Variants in VWC2L observed in about 807,000 individuals in gnomAD.
VWC2L encodes von Willebrand factor C domain containing 2 like.
In VWC2L, 10 loss-of-function variants were observed where a neutral mutation model predicts 21.6. That is an observed-to-expected ratio of 0.46 (90% CI 0.29 to 0.78). The LOEUF (loss-of-function observed/expected upper bound fraction) is 0.78, where lower values mean the gene tolerates loss of function less well. Among genes scored for constraint, VWC2L ranks in the 30% least tolerant of loss-of-function variants. The probability of loss-of-function intolerance (pLI) is 0.10; values close to 1 mark genes in which losing one functional copy is unlikely to be tolerated. For synonymous variants in VWC2L, 96 were observed against 94.3 expected (o/e 1.02, Z -0.10); for missense variants, 209 against 277.1 (o/e 0.75, Z 1.74).
intron 3 of VWC2L, among the ~76,000 whole-genome samples, chr2:214,503,237 G>C (rs1688920010): frequency 6.6e-6 from 1 of 152,044 alleles, no homozygotes; most frequent in South Asian, 2.1e-4. Flanking sequence ...AAGATTACCA[G>C]TTTTCTAAGT....
chr2:214,464,559 C>G (rs1703188988), intron 3 of VWC2L, among the ~76,000 whole-genome samples: 1 of 152,186 alleles, frequency 6.6e-6, no homozygotes, highest in Non-Finnish European at 1.5e-5. Flanking sequence ...CTGTGGCCAC[C>G]ACCACATAGA....
At chr2:214,477,352 C>A (rs1384183766) in intron 3 of VWC2L, among the ~76,000 whole-genome samples, 1 of 152,206 alleles carries the variant, frequency 6.6e-6, no homozygotes, top group Non-Finnish European at 1.5e-5. Flanking sequence ...ACATTGCAGG[C>A]AAACCTTGAG....
rs192660227 is a variant in VWC2L at position 214,436,795 on chromosome 2, C to T, written c.520+37C>T. Reference sequence around the variant, plus strand: ...CTGCATTAGCTTTTGAAGAGGGGTTCGCACAAAATACAAATATTTCACTAC... The same window carrying T: ...CTGCATTAGCTTTTGAAGAGGGGTTTGCACAAAATACAAATATTTCACTAC... On this transcript the variant is annotated intron_variant, in intron 3 of 3. Coordinates refer to ENST00000312504, the MANE Select transcript of VWC2L (RefSeq NM_001080500.4). 2.4e-5 allele frequency: 38 copies of T among 1,609,584 alleles called. No homozygotes were observed. The East Asian group carries it at 6.7e-4, about 28-fold the overall frequency.
intron 3 of VWC2L, among the ~76,000 whole-genome samples, chr2:214,544,956 G>T (rs61453548): frequency 0.018 from 2,750 of 152,166 alleles, 88 homozygotes; most frequent in African/African-American, 0.061. Flanking sequence ...AATTTACTCT[G>T]CTATGTTGTT....
At chr2:214,540,736 G>A (rs543796637) in intron 3 of VWC2L, among the ~76,000 whole-genome samples, 1 of 152,224 alleles carries the variant, frequency 6.6e-6, no homozygotes, top group African/African-American at 2.4e-5. Context: ...AATAGCAGAC[G>A]GCTTTTCTAT....
At chr2:214,463,919 A>G (rs1199879571) in intron 3 of VWC2L, among the ~76,000 whole-genome samples, 1 of 152,032 alleles carries the variant, frequency 6.6e-6, no homozygotes, top group Non-Finnish European at 1.5e-5. Context: ...TGCTTGATAA[A>G]TTCTGCTGCT....
At position 214,436,489 on chromosome 2, in the gene VWC2L, G is replaced by A. The variant is rs1448406948; in HGVS notation, c.391-140G>A. The A allele has an allele frequency of 1.6e-5, 18 of 1,121,576 alleles. No homozygotes were observed. The Admixed American group carries it at 4.8e-4, about 30-fold the overall frequency. The allele number at this position is 1,121,576 out of a possible 1,614,324, so 69.5% of individuals were successfully genotyped here. On this transcript the variant is annotated intron_variant, in intron 2 of 3. Transcript: ENST00000312504. ...GTCTAACTTGCCTTCCACCAAGGGA[G>A]AATGATCGTAGACATGGTAAATGGA...
At chr2:214,476,984 C>G (rs921528270) in intron 3 of VWC2L, among the ~76,000 whole-genome samples, 1 of 152,136 alleles carries the variant, frequency 6.6e-6, no homozygotes, top group African/African-American at 2.4e-5. Context: ...GAACCCTACA[C>G]TCAGGAAACT....
chr2:214,491,685 A>C (rs1475392063), intron 3 of VWC2L, among the ~76,000 whole-genome samples: 2 of 152,206 alleles, frequency 1.3e-5, no homozygotes, highest in Non-Finnish European at 2.9e-5. Flanking sequence ...AAACAGCATT[A>C]CATAGAAGAA....
intron 3 of VWC2L, among the ~76,000 whole-genome samples, chr2:214,552,556 C>A (rs1413999595): frequency 6.6e-6 from 1 of 152,128 alleles, no homozygotes; most frequent in African/African-American, 2.4e-5. Flanking sequence ...CTTATTAAAA[C>A]CTTACAAGCT....
At chr2:214,448,230 T>G (rs1481645815) in intron 3 of VWC2L, among the ~76,000 whole-genome samples, 1 of 152,238 alleles carries the variant, frequency 6.6e-6, no homozygotes, top group Admixed American at 6.5e-5. Context: ...ATTCTTACTA[T>G]GTACAACACA....
rs1230129668 is a variant in VWC2L, at chr2:214,543,366, C to T, written c.521-32306C>T. On this transcript the variant is annotated intron_variant, in intron 3 of 3. Transcript: ENST00000312504. Reference sequence around the variant, plus strand: ...ATTACGTATAGTAACATCAGTTTCACATGAATGAAATTCAACTGGATAGGA... The same window carrying T: ...ATTACGTATAGTAACATCAGTTTCATATGAATGAAATTCAACTGGATAGGA... Among the ~76,000 whole-genome samples the T allele has an allele frequency of 2.6e-5, 4 of 152,284 alleles. No individual in the cohort carries two copies. The East Asian group carries it at 7.7e-4, about 29-fold the overall frequency.
At chr2:214,502,974 T>C (rs1688916268) in intron 3 of VWC2L, among the ~76,000 whole-genome samples, 1 of 152,198 alleles carries the variant, frequency 6.6e-6, no homozygotes, top group African/African-American at 2.4e-5. Flanking sequence ...TTAGTGTATA[T>C]CACCTAAATA....
intron 2 of VWC2L, among the ~76,000 whole-genome samples, chr2:214,425,847 C>T (rs1702516520): frequency 6.6e-6 from 1 of 152,006 alleles, no homozygotes; most frequent in African/African-American, 2.4e-5. Context: ...TGATAAGTAG[C>T]TTATGATGAC....
At chr2:214,412,433 CTGTTA>C (rs1364606241) in intron 1 of VWC2L, among the ~76,000 whole-genome samples, 9 of 151,936 alleles carry the variant, frequency 5.9e-5, no homozygotes, top group Admixed American at 4.6e-4. Flanking sequence ...TCAGAAGCTT[CTGTTA>C]TGTTTGTTAT....
intron 3 of VWC2L, among the ~76,000 whole-genome samples, chr2:214,557,798 C>G (rs935132247): frequency 6.6e-6 from 1 of 152,156 alleles, no homozygotes; most frequent in African/African-American, 2.4e-5. Context: ...CACAGAATTT[C>G]GTGCCTTTCT....
At position 214,414,119 on chromosome 2, in the gene VWC2L, C is replaced by A; in HGVS notation, c.-75C>A. 6.9e-7 allele frequency: 1 copy of A among 1,448,288 alleles called. No homozygotes were observed. The highest frequency in any genetic ancestry group is 1.3e-5 in the South Asian group (1 of 75,442). The allele number at this position is 1,448,288 out of a possible 1,614,324, so 89.7% of individuals were successfully genotyped here. A position where few individuals can be genotyped will look rare whatever the true frequency, so the allele number is the denominator to read the frequency against. On this transcript the variant is annotated 5_prime_UTR_variant, in exon 2 of 4. Coordinates refer to ENST00000312504, the MANE Select transcript of VWC2L (RefSeq NM_001080500.4). Reference sequence around the variant, plus strand: ...TTTTAAATATTTATTTTCAGCCTACCCCTCTTGTATTCCCATGGAAGGAGC... The same window carrying A: ...TTTTAAATATTTATTTTCAGCCTACACCTCTTGTATTCCCATGGAAGGAGC...
At chr2:214,488,249 T>A (rs1368890128) in intron 3 of VWC2L, among the ~76,000 whole-genome samples, 1 of 152,216 alleles carries the variant, frequency 6.6e-6, no homozygotes, top group Non-Finnish European at 1.5e-5. Context: ...ACAATTTATG[T>A]CTCTCATTTA....
intron 3 of VWC2L, among the ~76,000 whole-genome samples, chr2:214,529,309 G>T (rs1445282428): frequency 6.6e-6 from 1 of 152,068 alleles, no homozygotes; most frequent in African/African-American, 2.4e-5. Flanking sequence ...TCACAAATTG[G>T]GCAGTTGGGA....
Sources: allele counts gnomAD v4.1 joint callset (sites outside exome capture counted in the v4.1 genomes callset), GRCh38; gene constraint gnomAD v4.1.1; transcripts MANE v1.5; gene names NCBI Gene and HGNC (gene_info 2026-07-23, HGNC 2026-07-21).